The following SLCO1A2 variants were observed in gnomAD, a reference collection of about 807,000 sequenced individuals.
The protein encoded by SLCO1A2 is solute carrier organic anion transporter family member 1A2, also known as OATP-1.
Under a neutral mutation model 69.0 loss-of-function variants are expected in SLCO1A2, and 67 were observed. The ratio of observed to expected loss-of-function variants is 0.97; its 90% CI spans 0.80 to 1.19. SLCO1A2 has a LOEUF of 1.19. SLCO1A2 is among the 50% of genes most tolerant of loss of function. SLCO1A2 has a pLI of 0.00. For synonymous variants in SLCO1A2, 260 were observed against 265.9 expected (o/e 0.98, Z 0.22); for missense variants, 787 against 793.7 (o/e 0.99, Z 0.10).
In SLCO1A2 at chr12:21,293,985, AG is replaced by A. The variant is rs1947324348; in HGVS notation, c.1396del (p.Ala467LeufsTer11). 2.5e-6 allele frequency: 4 copies of A among 1,612,488 alleles called. No homozygotes were observed. Among genetic ancestry groups the A allele is most frequent in the Non-Finnish European group, 3.4e-6 (4 of 1,179,334 alleles). ...TCCAATGGATGTCTCACAACCAGCA[AG>A]ACAAGCTGACAGATATGACAAGCCA... ...NNGLSYLSAC[L>X]AGCETSIGTG... On this transcript the variant is annotated frameshift_variant, in exon 11 of 15. Coordinates refer to ENST00000683939, the MANE Select transcript of SLCO1A2 (RefSeq NM_001386879.1). LOFTEE classifies it high-confidence loss of function.
In SLCO1A2 at chr12:21,361,563, G is replaced by A. The variant is rs1283109875; in HGVS notation, c.-63+12836C>T. On this transcript the variant is annotated intron_variant, in intron 2 of 15. Coordinates refer to the SLCO1A2 transcript ENST00000307378. Reference sequence around the variant, plus strand: ...GACTTTGACGAGTTGACAGAAGAAGGCTTCAGAAGATTGGTAATAACAAAC... The same window carrying A: ...GACTTTGACGAGTTGACAGAAGAAGACTTCAGAAGATTGGTAATAACAAAC... 2.0e-5 allele frequency among the ~76,000 whole-genome samples: 3 copies of A among 152,326 alleles called. No homozygotes were observed. In the South Asian group the frequency reaches 6.2e-4, roughly 32 times the overall value.
At chr12:21,397,406 T>C (rs1284954529), upstream of SLCO1A2, among the ~76,000 whole-genome samples, 1 of 152,022 alleles carries the variant, frequency 6.6e-6, no homozygotes, top group African/African-American at 2.4e-5. Flanking sequence ...AGATTTAGAC[T>C]CCCACACATT....
chr12:21,293,123 T>TGAAATCCC (rs1280625449), intron 11 of SLCO1A2, among the ~76,000 whole-genome samples: 1 of 151,910 alleles, frequency 6.6e-6, no homozygotes, highest in Non-Finnish European at 1.5e-5. Flanking sequence ...ACCAACATGG[T>TGAAATCCC]GAAATCCCGT....
intron 4 of SLCO1A2, among the ~76,000 whole-genome samples, chr12:21,311,162 T>C (rs1950096947): frequency 6.6e-6 from 1 of 152,200 alleles, no homozygotes. Flanking sequence ...TTAAGTCACA[T>C]CTTCAGGTTC....
intron 10 of SLCO1A2, chr12:21,295,390 AC>A (rs1947555480): frequency 4.0e-6 from 2 of 496,048 alleles, no homozygotes; most frequent in South Asian, 4.9e-5. Context: ...AAATTCACTC[AC>A]CCTGTGATAT....
upstream of SLCO1A2, among the ~76,000 whole-genome samples, chr12:21,339,606 T>C (rs971269987): frequency 6.6e-6 from 1 of 151,850 alleles, no homozygotes; most frequent in African/African-American, 2.4e-5. Flanking sequence ...GTTATAATGA[T>C]ATAAGAAGAG....
chr12:21,319,011 A>C, intron 2 of SLCO1A2, 88 bp from the exon 3 acceptor site: 1 of 973,652 alleles, frequency 1.0e-6, no homozygotes, highest in Non-Finnish European at 1.5e-6. Flanking sequence ...CCACCATAAG[A>C]CTGATTGTCT....
chr12:21,282,725 A>G (rs1239705615), intron 12 of SLCO1A2, among the ~76,000 whole-genome samples: 2 of 152,124 alleles, frequency 1.3e-5, no homozygotes, highest in African/African-American at 2.4e-5. Context: ...TCAAAATGAT[A>G]AACAAATTCA....
At chr12:21,365,574 G>A (rs1467099784) in intron 2 of SLCO1A2, among the ~76,000 whole-genome samples, 1 of 152,148 alleles carries the variant, frequency 6.6e-6, no homozygotes, top group Non-Finnish European at 1.5e-5. Flanking sequence ...AAGAGCTTCT[G>A]CACATCAAAA....
At chr12:21,411,525 G>A (rs76049412) in intron 1 of SLCO1A2, among the ~76,000 whole-genome samples, 7,541 of 152,150 alleles carry the variant, frequency 0.05, 235 homozygotes, top group African/African-American at 0.091. Flanking sequence ...TTAGAATCCA[G>A]TAGATATAAT....
chr12:21,378,041 G>T (rs191911396), intron 1 of SLCO1A2, among the ~76,000 whole-genome samples: 1 of 152,254 alleles, frequency 6.6e-6, no homozygotes, highest in East Asian at 1.9e-4. Context: ...GAAAGATGTT[G>T]TATGATTTTC....
Position 21,278,853 on chromosome 12 carries a change from A to G in SLCO1A2, c.1611-3429T>C, listed in dbSNP as rs997322867. On this transcript the variant is annotated intron_variant, in intron 12 of 14. Coordinates refer to ENST00000683939, the MANE Select transcript of SLCO1A2 (RefSeq NM_001386879.1). The stretch of plus-strand genomic sequence containing the variant: ...AACATGACCTCACCAAAGGAACTAA[A>G]CAAGGCAGCAGGGACCAATCCTGGA... 9.9e-5 allele frequency among the ~76,000 whole-genome samples: 15 copies of G among 152,276 alleles called. No individual in the cohort carries two copies. In the East Asian group the frequency reaches 2.9e-3, roughly 29 times the overall value.
intron 4 of SLCO1A2, among the ~76,000 whole-genome samples, chr12:21,308,358 T>C (rs568600472): frequency 3.4e-4 from 52 of 152,276 alleles, no homozygotes; most frequent in African/African-American, 1.2e-3. Context: ...ATAAAAGATA[T>C]GAGAAGTGCA....
At chr12:21,398,209 A>G (rs1395193718), upstream of SLCO1A2, among the ~76,000 whole-genome samples, 1 of 151,114 alleles carries the variant, frequency 6.6e-6, no homozygotes, top group Non-Finnish European at 1.5e-5. Flanking sequence ...CCGATCCCAC[A>G]GAAACACAAA....
intron 11 of SLCO1A2, 72 bp from the exon 12 acceptor site, chr12:21,292,408 C>G (rs1947015418): frequency 8.1e-7 from 1 of 1,230,924 alleles, no homozygotes; most frequent in East Asian, 2.4e-5. Context: ...TTCTACACAG[C>G]CAGTTGGATC....
rs562646914 is a variant in SLCO1A2 at position 21,273,487 on chromosome 12, T to G, written c.1793+982A>C. Among the ~76,000 whole-genome samples the G allele has an allele frequency of 1.2e-4, 19 of 152,310 alleles. No individual in the cohort carries two copies. In the South Asian group the frequency reaches 3.7e-3, roughly 30 times the overall value. On this transcript the variant is annotated intron_variant, in intron 14 of 14. Coordinates refer to ENST00000683939, the MANE Select transcript of SLCO1A2 (RefSeq NM_001386879.1). ...CTTGGCTTCTGGTAGATTTTTCTCA[T>G]GGATACACCATTTCATTGACCAGTC...
At chr12:21,362,622 A>C (rs1939008102) in intron 2 of SLCO1A2, among the ~76,000 whole-genome samples, 1 of 152,202 alleles carries the variant, frequency 6.6e-6, no homozygotes, top group Non-Finnish European at 1.5e-5. Flanking sequence ...ATAAAGAGTC[A>C]AGACGCATCA....
At chr12:21,371,711 C>CA (rs1284043430) in intron 2 of SLCO1A2, among the ~76,000 whole-genome samples, 2 of 151,812 alleles carry the variant, frequency 1.3e-5, no homozygotes, top group Non-Finnish European at 2.9e-5. Flanking sequence ...TTTAGAAATA[C>CA]AAAAAAAGAG....
intron 4 of SLCO1A2, among the ~76,000 whole-genome samples, chr12:21,313,822 T>C (rs1380155491): frequency 2.0e-5 from 3 of 151,024 alleles, no homozygotes; most frequent in African/African-American, 7.3e-5. Context: ...TGCAAAAAAT[T>C]AGCCAGGCAT....
Sources: allele counts gnomAD v4.1 joint callset (sites outside exome capture counted in the v4.1 genomes callset), GRCh38; gene constraint gnomAD v4.1.1; transcripts MANE v1.5; gene names NCBI Gene and HGNC (gene_info 2026-07-23, HGNC 2026-07-21).